The following KIAA1328 variants were observed in gnomAD, a reference collection of about 807,000 sequenced individuals.
KIAA1328 encodes KIAA1328.
In KIAA1328, 52 loss-of-function variants were observed where a neutral mutation model predicts 68.1. The ratio of observed to expected loss-of-function variants is 0.76; its 90% confidence interval spans 0.61 to 0.96. The LOEUF (loss-of-function observed/expected upper bound fraction) is 0.96, where lower values mean the gene tolerates loss of function less well. Among genes scored for constraint, KIAA1328 ranks in the 40% least tolerant of loss-of-function variants. The pLI, the probability that KIAA1328 is intolerant of heterozygous loss-of-function variation, is 0.00. For synonymous variants in KIAA1328, 232 were observed against 239.4 expected (o/e 0.97, Z 0.28); for missense variants, 641 against 677.6 (o/e 0.95, Z 0.60).
chr18:37,187,646 G>T (rs2154216798), intron 9 of KIAA1328, among the ~76,000 whole-genome samples: 1 of 152,126 alleles, frequency 6.6e-6, no homozygotes, highest in South Asian at 2.1e-4. Context: ...TTAGCTAGGA[G>T]GATTTTTTTT....
intron 8 of KIAA1328, among the ~76,000 whole-genome samples, chr18:37,165,892 T>G (rs2059379950): frequency 6.6e-6 from 1 of 152,050 alleles, no homozygotes; most frequent in South Asian, 2.1e-4. Context: ...CTGAGAAAGT[T>G]TCCTCCTAGT....
intron 6 of KIAA1328, among the ~76,000 whole-genome samples, chr18:37,060,077 C>T (rs1192865198): frequency 6.6e-6 from 1 of 151,998 alleles, no homozygotes; most frequent in African/African-American, 2.4e-5. Context: ...TTGATGGGTG[C>T]AGCAAAACAC....
chr18:37,094,673 A>T (rs2057355911), intron 7 of KIAA1328, among the ~76,000 whole-genome samples: 1 of 152,220 alleles, frequency 6.6e-6, no homozygotes, highest in Non-Finnish European at 1.5e-5. Context: ...AGAACAAATG[A>T]TATACAAAAC....
intron 4 of KIAA1328, among the ~76,000 whole-genome samples, chr18:36,875,353 T>C (rs955002430): frequency 2.0e-5 from 3 of 152,198 alleles, no homozygotes; most frequent in African/African-American, 7.2e-5. Flanking sequence ...TGAGCAGTGG[T>C]GTGTAGTTCT....
At chr18:37,018,409 G>A (rs1168299546) in intron 6 of KIAA1328, among the ~76,000 whole-genome samples, 1 of 151,850 alleles carries the variant, frequency 6.6e-6, no homozygotes, top group African/African-American at 2.4e-5. Context: ...TTTTCATTTA[G>A]CATTGACCTT....
At chr18:37,172,469 C>T (rs530820494) in intron 8 of KIAA1328, among the ~76,000 whole-genome samples, 2 of 152,276 alleles carry the variant, frequency 1.3e-5, no homozygotes, top group South Asian at 4.1e-4. Context: ...TCCCATGGCA[C>T]TCGAATGAAT....
intron 6 of KIAA1328, among the ~76,000 whole-genome samples, chr18:36,975,775 T>G (rs1362500849): frequency 6.6e-6 from 1 of 152,186 alleles, no homozygotes; most frequent in African/African-American, 2.4e-5. Flanking sequence ...GTTAAAGCTT[T>G]TTGTTTCTTT....
At chr18:37,213,444 C>G (rs2060357894) in intron 9 of KIAA1328, among the ~76,000 whole-genome samples, 1 of 152,154 alleles carries the variant, frequency 6.6e-6, no homozygotes, top group African/African-American at 2.4e-5. Flanking sequence ...TGATGGTTTC[C>G]AGCTTCATCC....
intron 4 of KIAA1328, among the ~76,000 whole-genome samples, chr18:36,864,196 T>A (rs2047663437): frequency 6.6e-6 from 1 of 152,224 alleles, no homozygotes; most frequent in Non-Finnish European, 1.5e-5. Flanking sequence ...TGTCGATTGA[T>A]ATGATTACAT....
chr18:37,106,108 GA>G (rs1014914884), intron 7 of KIAA1328, among the ~76,000 whole-genome samples: 9 of 151,816 alleles, frequency 5.9e-5, no homozygotes, highest in African/African-American at 2.2e-4. Flanking sequence ...CTGAAAAATG[GA>G]AACACCCAAA....
intron 6 of KIAA1328, among the ~76,000 whole-genome samples, chr18:36,967,338 A>AGG (rs2051983133): frequency 1.3e-5 from 2 of 152,220 alleles, no homozygotes; most frequent in African/African-American, 4.8e-5. Context: ...AAGGAGCTAT[A>AGG]TTCTGTCAGC....
intron 6 of KIAA1328, among the ~76,000 whole-genome samples, chr18:37,066,481 A>G (rs189368914): frequency 6.6e-6 from 1 of 150,620 alleles, no homozygotes; most frequent in Non-Finnish European, 1.5e-5. Context: ...CATGCTGTGT[A>G]ATGGCCAAAG....
intron 9 of KIAA1328, among the ~76,000 whole-genome samples, chr18:37,200,008 C>T (rs1455487262): frequency 6.6e-6 from 1 of 152,144 alleles, no homozygotes; most frequent in Non-Finnish European, 1.5e-5. Flanking sequence ...TTGGATGAAG[C>T]GTTGAGAAGA....
chr18:36,985,478 C>CA (rs2052880892), intron 6 of KIAA1328, among the ~76,000 whole-genome samples: 1 of 152,084 alleles, frequency 6.6e-6, no homozygotes, highest in South Asian at 2.1e-4. Flanking sequence ...TATAAACCTA[C>CA]AATATGGGAT....
chr18:37,116,642 A>G (rs2058117028), intron 7 of KIAA1328, among the ~76,000 whole-genome samples: 2 of 152,250 alleles, frequency 1.3e-5, no homozygotes, highest in South Asian at 4.1e-4. Context: ...AACGGCAACA[A>G]AAGCCAAAAT....
chr18:37,119,829 C>T (rs558186307), intron 7 of KIAA1328, among the ~76,000 whole-genome samples: 2 of 152,196 alleles, frequency 1.3e-5, no homozygotes, highest in Middle Eastern at 3.4e-3. Context: ...GCTGAGAGGG[C>T]CTTGAAGCAG....
chr18:37,032,471 A>G (rs1205219719), intron 6 of KIAA1328, among the ~76,000 whole-genome samples: 2 of 151,698 alleles, frequency 1.3e-5, no homozygotes. Context: ...CTGGAGATAG[A>G]TGTTTGTTTA....
At chr18:36,884,389 C>G (rs879697683) in intron 4 of KIAA1328, among the ~76,000 whole-genome samples, 1 of 152,100 alleles carries the variant, frequency 6.6e-6, no homozygotes, top group Non-Finnish European at 1.5e-5. Flanking sequence ...GACTTGAATG[C>G]TATGATAAGC....
chr18:36,859,209 T>C (rs1011968754), intron 4 of KIAA1328, among the ~76,000 whole-genome samples: 1 of 152,138 alleles, frequency 6.6e-6, no homozygotes, highest in African/African-American at 2.4e-5. Context: ...TCATTGTTCA[T>C]TTTAACAAGT....
Sources: gnomAD v4.1 joint callset for allele counts (sites outside exome capture counted in the v4.1 genomes callset) on GRCh38, gnomAD v4.1.1 for gene constraint, MANE v1.5 for transcripts, NCBI Gene and HGNC (gene_info 2026-07-23, HGNC 2026-07-21) for gene names.